The following SLC24A3 variants were observed in gnomAD, a reference collection of about 807,000 sequenced individuals.
SLC24A3 encodes sodium/potassium/calcium exchanger 3.
A neutral mutation model predicts 75.8 loss-of-function variants in SLC24A3; 28 were observed. The observed-to-expected ratio is 0.37, with a 90% CI of 0.27 to 0.51. SLC24A3 has a LOEUF of 0.51. SLC24A3 is among the 20% of genes least tolerant of loss of function. SLC24A3 has a pLI of 0.94. For synonymous variants in SLC24A3, 372 were observed against 334.1 expected (o/e 1.11, Z -1.24); for missense variants, 663 against 847.8 (o/e 0.78, Z 2.71).
chr20:19,687,136 A>G (rs1464584960), intron 12 of SLC24A3, among the ~76,000 whole-genome samples: 2 of 152,186 alleles, frequency 1.3e-5, no homozygotes, highest in Non-Finnish European at 2.9e-5. Context: ...GCCGTAATGA[A>G]GGTGTAGCCA....
intron 2 of SLC24A3, among the ~76,000 whole-genome samples, chr20:19,292,616 C>T (rs1983967501): frequency 1.3e-5 from 2 of 151,938 alleles, no homozygotes; most frequent in Non-Finnish European, 2.9e-5. Flanking sequence ...GTCTGTAGGC[C>T]GAGTATGCAG....
At chr20:19,547,691 A>G (rs1476288198) in intron 3 of SLC24A3, among the ~76,000 whole-genome samples, 1 of 152,224 alleles carries the variant, frequency 6.6e-6, no homozygotes, top group Non-Finnish European at 1.5e-5. Flanking sequence ...CCAGGCCAAA[A>G]AAAACTGCCT....
chr20:19,486,813 G>A (rs542764614), intron 2 of SLC24A3, among the ~76,000 whole-genome samples: 88 of 152,314 alleles, frequency 5.8e-4, no homozygotes, highest in African/African-American at 2.0e-3. Flanking sequence ...CTTATCTTCT[G>A]CCAGGCACCC....
chr20:19,391,143 G>C (rs1011185636), intron 2 of SLC24A3, among the ~76,000 whole-genome samples: 1 of 152,168 alleles, frequency 6.6e-6, no homozygotes, highest in African/African-American at 2.4e-5. Flanking sequence ...GTCTTGTTCT[G>C]GTGTTTAACA....
intron 2 of SLC24A3, among the ~76,000 whole-genome samples, chr20:19,322,365 CCCTTCCTT>C (rs59240769): frequency 0.13 from 9,996 of 79,608 alleles, 452 homozygotes; most frequent in Non-Finnish European, 0.15. Context: ...TTCCTTCCTT[CCCTTCCTT>C]CCTTCCTTCC....
intron 2 of SLC24A3, among the ~76,000 whole-genome samples, chr20:19,470,297 G>T (rs1421549654): frequency 1.3e-5 from 2 of 152,144 alleles, no homozygotes; most frequent in African/African-American, 4.8e-5. Context: ...ACCCAAATTA[G>T]AGATAGGAGG....
intron 2 of SLC24A3, among the ~76,000 whole-genome samples, chr20:19,484,895 T>G (rs78852069): frequency 0.099 from 15,051 of 152,222 alleles, 805 homozygotes; most frequent in South Asian, 0.1. Flanking sequence ...AAAATAGGTG[T>G]GTATTTTTTC....
At chr20:19,678,798 C>T (rs1191129450) in intron 9 of SLC24A3, among the ~76,000 whole-genome samples, 2 of 149,430 alleles carry the variant, frequency 1.3e-5, no homozygotes, top group Admixed American at 6.6e-5. Flanking sequence ...GGGCGGTTGC[C>T]GGGCGGAGGG....
At chr20:19,348,371 G>C (rs1985480441) in intron 2 of SLC24A3, among the ~76,000 whole-genome samples, 1 of 152,196 alleles carries the variant, frequency 6.6e-6, no homozygotes, top group African/African-American at 2.4e-5. Context: ...CACAGTCATA[G>C]CTGGAGGTCC....
rs532800328 is a variant in SLC24A3 at position 19,700,776 on chromosome 20, A to G, written c.1719+2096A>G. ...GGAAACATCATCTTCAAGGTGACCTATTATTACAGTATATTCCAAAGTGTA... is the reference window on the plus strand; with the variant it reads ...GGAAACATCATCTTCAAGGTGACCTGTTATTACAGTATATTCCAAAGTGTA... On this transcript the variant is annotated intron_variant, in intron 15 of 16. Transcript: ENST00000328041. 2.0e-5 allele frequency among the ~76,000 whole-genome samples: 3 copies of G among 152,302 alleles called. No homozygotes were observed. In the East Asian group the frequency reaches 5.8e-4, roughly 29 times the overall value.
intron 3 of SLC24A3, among the ~76,000 whole-genome samples, chr20:19,535,187 T>A (rs1417519796): frequency 1.3e-5 from 2 of 152,398 alleles, no homozygotes; most frequent in African/African-American, 4.8e-5. Flanking sequence ...ATCAGTTAGC[T>A]TTTGCTGTGT....
chr20:19,563,915 GGCAAGAAGTAGGT>G (rs2122613879), intron 3 of SLC24A3, among the ~76,000 whole-genome samples: 1 of 152,270 alleles, frequency 6.6e-6, no homozygotes, highest in Admixed American at 6.5e-5. Context: ...AGAACCTTTA[GGCAAGAAGTAGGT>G]TTCTTACCAA....
intron 15 of SLC24A3, among the ~76,000 whole-genome samples, chr20:19,700,596 A>G: frequency 6.6e-6 from 1 of 152,256 alleles, no homozygotes; most frequent in Admixed American, 6.5e-5. Context: ...ACAATCACCC[A>G]GAGTCTAATC....
intron 2 of SLC24A3, among the ~76,000 whole-genome samples, chr20:19,289,256 A>C (rs1400661860): frequency 6.6e-6 from 1 of 152,202 alleles, no homozygotes; most frequent in African/African-American, 2.4e-5. Context: ...GGATCTGTTT[A>C]AAATTTTATT....
intron 8 of SLC24A3, among the ~76,000 whole-genome samples, chr20:19,670,442 G>C (rs1350181618): frequency 6.6e-6 from 1 of 152,210 alleles, no homozygotes; most frequent in African/African-American, 2.4e-5. Context: ...AATGGCCAGA[G>C]AGAACCTGGT....
At chr20:19,616,428 C>T (rs1426054444) in intron 6 of SLC24A3, among the ~76,000 whole-genome samples, 2 of 152,218 alleles carry the variant, frequency 1.3e-5, no homozygotes, top group Admixed American at 6.5e-5. Context: ...CATTCAGGAC[C>T]TCTGAACACT....
chr20:19,384,075 G>A (rs6046033), intron 2 of SLC24A3, among the ~76,000 whole-genome samples: 1 of 152,048 alleles, frequency 6.6e-6, no homozygotes, highest in African/African-American at 2.4e-5. Context: ...ATATGTTTAA[G>A]GTGTACAATA....
At chr20:19,584,260 A>C (rs2031262317) in intron 4 of SLC24A3, among the ~76,000 whole-genome samples, 1 of 152,264 alleles carries the variant, frequency 6.6e-6, no homozygotes, top group Non-Finnish European at 1.5e-5. Flanking sequence ...CTGATGCCTC[A>C]TTACCTTCTT....
At position 19,448,691 on chromosome 20, in the gene SLC24A3, G is replaced by A. The variant is rs958958134; in HGVS notation, c.272-66797G>A. Among the ~76,000 whole-genome samples the A allele has an allele frequency of 4.6e-5, 7 of 152,128 alleles. No homozygotes were observed. The East Asian group carries it at 9.6e-4, about 21-fold the overall frequency. ...GCTACCTTTTGGTCAAACCTGGGCC[G>A]CACCATTCAGCAGTATATTATTCTG... is the stretch of plus-strand genomic sequence containing the variant. On this transcript the variant is annotated intron_variant, in intron 2 of 16. Transcript: ENST00000328041.
Sources: gnomAD v4.1 joint callset for allele counts (sites outside exome capture counted in the v4.1 genomes callset) on GRCh38, gnomAD v4.1.1 for gene constraint, MANE v1.5 for transcripts, NCBI Gene and HGNC (gene_info 2026-07-23, HGNC 2026-07-21) for gene names.